The following STX6 variants were observed in gnomAD, a reference collection of about 807,000 sequenced individuals.
The protein encoded by STX6 is syntaxin-6.
In STX6, 23 loss-of-function variants were observed where a neutral mutation model predicts 38.0. The ratio of observed to expected loss-of-function variants is 0.60; its 90% CI spans 0.43 to 0.86. The LOEUF (loss-of-function observed/expected upper bound fraction) is 0.86. Among genes scored for constraint, STX6 ranks in the 40% least tolerant of loss-of-function variants. The pLI is 0.00. For synonymous variants in STX6, 123 were observed against 107.5 expected (o/e 1.14, Z -0.89); for missense variants, 274 against 312.9 (o/e 0.88, Z 0.94).
chr1:181,002,183 A>C (rs1200951216), intron 3 of STX6, among the ~76,000 whole-genome samples: 1 of 151,368 alleles, frequency 6.6e-6, no homozygotes, highest in Non-Finnish European at 1.5e-5. Context: ...TCAATCACGG[A>C]AATTTTTTTT....
intron 1 of STX6, among the ~76,000 whole-genome samples, chr1:181,007,866 A>T (rs1300253609): frequency 6.6e-6 from 1 of 152,244 alleles, no homozygotes; most frequent in Non-Finnish European, 1.5e-5. Context: ...TTTTTATTTT[A>T]AAAATTCTAA....
intron 3 of STX6, among the ~76,000 whole-genome samples, chr1:181,002,002 AC>A (rs1656093552): frequency 6.6e-6 from 1 of 152,100 alleles, no homozygotes; most frequent in African/African-American, 2.4e-5. Context: ...AACATGGTGA[AC>A]CCTGTCTCTA....
chr1:180,992,009 G>A (rs1031136891), intron 4 of STX6, among the ~76,000 whole-genome samples: 1 of 150,442 alleles, frequency 6.6e-6, no homozygotes, highest in East Asian at 1.9e-4. Context: ...ACTATCTAGA[G>A]AATAAAACAT....
intron 3 of STX6, 40 bp downstream of exon 3, chr1:181,002,566 A>G (rs752753060): frequency 2.7e-6 from 4 of 1,454,622 alleles, no homozygotes; most frequent in Non-Finnish European, 3.8e-6. Context: ...AAGTCTGGCT[A>G]TTTCTTATAC....
At chr1:180,999,909 C>T (rs10797661) in intron 3 of STX6, among the ~76,000 whole-genome samples, 58,881 of 152,066 alleles carry the variant, frequency 0.39, 12,113 homozygotes, top group African/African-American at 0.52. Flanking sequence ...AGCTCTTCCA[C>T]CCAGAACCCA....
At chr1:181,010,592 G>A (rs576770199) in intron 1 of STX6, among the ~76,000 whole-genome samples, 22 of 152,142 alleles carry the variant, frequency 1.4e-4, no homozygotes, top group African/African-American at 4.8e-4. Flanking sequence ...GTGAGCCTCC[G>A]CGCCCGGCCT....
chr1:180,991,812 T>A (rs1655763543), intron 4 of STX6, among the ~76,000 whole-genome samples: 1 of 152,122 alleles, frequency 6.6e-6, no homozygotes, highest in African/African-American at 2.4e-5. Context: ...GCCCTGATCC[T>A]GCTATTCCTT....
chr1:180,973,465 A>G lies in STX6; in HGVS notation c.*3105T>C, dbSNP rs1655173925. The G allele has an allele frequency of 6.5e-6, 1 of 152,680 alleles. No homozygotes were observed. Among genetic ancestry groups the G allele is most frequent in the Non-Finnish European group, 1.5e-5 (1 of 68,036 alleles). The allele number at this position is 152,680 out of a possible 1,614,324, so 9.5% of individuals were successfully genotyped here. A position where few individuals can be genotyped will look rare whatever the true frequency, so the allele number is the denominator to read the frequency against. ...ACAGAGACAGATTTCTGTTGGAGTT[A>G]GACTAGATTTCTTTTCACAGCCCTT... On this transcript the variant is annotated 3_prime_UTR_variant, in exon 8 of 8. Coordinates refer to ENST00000258301, the MANE Select transcript of STX6 (RefSeq NM_005819.6).
Position 180,988,319 on chromosome 1 carries a change from C to A in STX6, c.516G>T (p.Gln172His), listed in dbSNP as rs1655651391. 7 of 1,613,954 alleles carry A rather than the reference C, an allele frequency of 4.3e-6. No homozygotes were observed. The highest frequency in any genetic ancestry group is 5.9e-6 in the Non-Finnish European group (7 of 1,179,892). The change falls in exon 6 of 8, where the codon CAG becomes CAT. Residue 172 changes from glutamine to histidine, a missense_variant. Transcript: ENST00000258301. ...QQLIVEQQDE[Q>H]LELVSGSIGV... is the part of the protein sequence containing the mutation. ...CGATGCTGCCAGAGACCAGCTCCAACTGCTCATCCTGCTGTTCCACGATCA... is the reference window on the plus strand; with the variant it reads ...CGATGCTGCCAGAGACCAGCTCCAAATGCTCATCCTGCTGTTCCACGATCA...
At chr1:180,991,310 T>G (rs1157386192) in intron 4 of STX6, among the ~76,000 whole-genome samples, 1 of 152,172 alleles carries the variant, frequency 6.6e-6, no homozygotes, top group African/African-American at 2.4e-5. Flanking sequence ...GTAAAGCAGA[T>G]CCAAGGCTTT....
intron 1 of STX6, among the ~76,000 whole-genome samples, chr1:181,015,955 G>A (rs1656544428): frequency 6.6e-6 from 1 of 152,166 alleles, no homozygotes; most frequent in Non-Finnish European, 1.5e-5. Context: ...CATCGCACCT[G>A]GCCCACAAAT....
At chr1:181,017,839 C>T (rs1429269293) in intron 1 of STX6, among the ~76,000 whole-genome samples, 3 of 152,052 alleles carry the variant, frequency 2.0e-5, no homozygotes, top group African/African-American at 4.8e-5. Context: ...TGGAGGACAA[C>T]GTGGTAGTAT....
Position 180,995,416 on chromosome 1 carries a change from G to A in STX6, c.301-1991C>T, listed in dbSNP as rs190865960. Among the ~76,000 whole-genome samples the A allele has an allele frequency of 1.9e-4, 29 of 152,306 alleles. No individual in the cohort carries two copies. In the Middle Eastern group the frequency reaches 0.01, roughly 54 times the overall value. ...TCAAGAGAAACTGATCACTATGCTA[G>A]TATCTCCTGGACTGCAGGATTCGTT... is the stretch of plus-strand genomic sequence containing the variant. On this transcript the variant is annotated intron_variant, in intron 3 of 7. Coordinates refer to ENST00000258301, the MANE Select transcript of STX6 (RefSeq NM_005819.6).
At chr1:180,990,258 G>T in intron 4 of STX6, 149 bp from the exon 5 acceptor site, 1 of 969,728 alleles carries the variant, frequency 1.0e-6, no homozygotes, top group Non-Finnish European at 1.5e-6. Flanking sequence ...GTAGGTTGGT[G>T]CCTGGGTGGT....
intron 1 of STX6, among the ~76,000 whole-genome samples, chr1:181,021,002 A>G (rs571443761): frequency 6.6e-6 from 1 of 152,342 alleles, no homozygotes; most frequent in South Asian, 2.1e-4. Context: ...CCTTAAAGAT[A>G]GGAGCTAAAA....
At chr1:180,979,331 T>C (rs562984688) in intron 7 of STX6, among the ~76,000 whole-genome samples, 125 of 152,244 alleles carry the variant, frequency 8.2e-4, no homozygotes, top group African/African-American at 2.9e-3. Context: ...CAAGATAATG[T>C]AGTATTAGGA....
intron 3 of STX6, among the ~76,000 whole-genome samples, chr1:180,997,985 T>C (rs1456280841): frequency 6.6e-6 from 1 of 152,236 alleles, no homozygotes; most frequent in Non-Finnish European, 1.5e-5. Context: ...CAAGTACAGA[T>C]TATTTTTAAC....
chr1:180,993,448 A>C (rs1397059029), intron 3 of STX6, 23 bp from the exon 4 acceptor site: 1 of 1,437,212 alleles, frequency 7.0e-7, no homozygotes, highest in Non-Finnish European at 9.7e-7. Flanking sequence ...AAGATACGAA[A>C]ACAAATGAAA....
intron 6 of STX6, 163 bp downstream of exon 6, chr1:180,988,076 C>A: frequency 2.0e-6 from 1 of 511,256 alleles, no homozygotes; most frequent in Non-Finnish European, 3.5e-6. Flanking sequence ...AGTAGAATTG[C>A]TTCTTTTGGG....
Sources: gnomAD v4.1 joint callset for allele counts (sites outside exome capture counted in the v4.1 genomes callset) on GRCh38, gnomAD v4.1.1 for gene constraint, MANE v1.5 for transcripts, NCBI Gene and HGNC (gene_info 2026-07-23, HGNC 2026-07-21) for gene names.